KIRREL1: variants seen among roughly 807,000 people sequenced by gnomAD.
KIRREL1 encodes kin of IRRE-like protein 1.
In KIRREL1, 25 loss-of-function variants were observed where a neutral mutation model predicts 83.3. That is an observed-to-expected ratio of 0.30 (90% CI 0.22 to 0.42). The LOEUF (loss-of-function observed/expected upper bound fraction) is 0.42, where lower values mean the gene tolerates loss of function less well. Among genes scored for constraint, KIRREL1 ranks in the 10% least tolerant of loss-of-function variants. The pLI, the probability that KIRREL1 is intolerant of heterozygous loss-of-function variation, is 1.00. For missense variants in KIRREL1, 812 were observed against 1,032.3 expected (o/e 0.79, Z 2.92); for synonymous variants, 388 against 410.4 (o/e 0.95, Z 0.66).
chr1:158,084,423 C>A lies in KIRREL1; in HGVS notation c.354C>A (p.Ile118=), dbSNP rs1023696560. ...RSRRAKLTVL[I]PPEDTRIDGG... ...ACTTTGCTCTGCTTTCTCCCACAGTCCCCCCAGAGGACACCAGGATTGACG... is the reference window on the plus strand; with the variant it reads ...ACTTTGCTCTGCTTTCTCCCACAGTACCCCCAGAGGACACCAGGATTGACG... The change falls in exon 4 of 15, where the codon ATC becomes ATA. Residue 118 remains isoleucine, a splice_region_variant and synonymous_variant. Transcript: ENST00000359209. The A allele has an allele frequency of 9.4e-5, 146 of 1,548,888 alleles. No homozygotes were observed. Among genetic ancestry groups the A allele is most frequent in the Non-Finnish European group, 1.1e-4 (130 of 1,145,442 alleles).
chr1:158,075,867 T>C (rs1008204021), intron 1 of KIRREL1, among the ~76,000 whole-genome samples: 9 of 152,146 alleles, frequency 5.9e-5, no homozygotes, highest in Non-Finnish European at 1.3e-4. Flanking sequence ...AGTGCACTAT[T>C]TTCTGTGATT....
intron 1 of KIRREL1, among the ~76,000 whole-genome samples, chr1:158,059,397 C>G (rs1181572738): frequency 6.6e-6 from 1 of 152,182 alleles, no homozygotes; most frequent in Non-Finnish European, 1.5e-5. Flanking sequence ...CTCTGGGTGT[C>G]TGGGTTAGAG....
In KIRREL1 at chr1:157,998,388, A is replaced by G. The variant is rs982390243; in HGVS notation, c.52+4660A>G. 3.3e-5 allele frequency among the ~76,000 whole-genome samples: 5 copies of G among 152,222 alleles called. No individual in the cohort carries two copies. The East Asian group carries it at 7.7e-4, about 23-fold the overall frequency. On this transcript the variant is annotated intron_variant, in intron 1 of 14. Coordinates refer to ENST00000359209, the MANE Select transcript of KIRREL1 (RefSeq NM_018240.7). ...TAAACTCATTCAAATTTAAAAAACAATCCTTTATTCTGAGATTCTGTCCTA... is the reference window on the plus strand; with the variant it reads ...TAAACTCATTCAAATTTAAAAAACAGTCCTTTATTCTGAGATTCTGTCCTA...
chr1:158,043,323 C>G lies in KIRREL1; in HGVS notation c.53-32790C>G, dbSNP rs374415473. Among the ~76,000 whole-genome samples the G allele has an allele frequency of 3.3e-5, 5 of 152,284 alleles. No homozygotes were observed. The East Asian group carries it at 5.8e-4, about 18-fold the overall frequency. Reference sequence around the variant, plus strand: ...TGCCCCAGCCAGCACCTCATTCCCCCCTTATGGAAAGAGTGGCGTAAGAAT... The same window carrying G: ...TGCCCCAGCCAGCACCTCATTCCCCGCTTATGGAAAGAGTGGCGTAAGAAT... On this transcript the variant is annotated intron_variant, in intron 1 of 14. Transcript: ENST00000359209.
chr1:158,052,060 G>A (rs1660921804), intron 1 of KIRREL1, among the ~76,000 whole-genome samples: 1 of 152,156 alleles, frequency 6.6e-6, no homozygotes, highest in South Asian at 2.1e-4. Context: ...TACTGGCAGA[G>A]TGTTCTGCCT....
At chr1:158,042,214 T>G (rs1450203113) in intron 1 of KIRREL1, among the ~76,000 whole-genome samples, 7 of 22,482 alleles carry the variant, frequency 3.1e-4, no homozygotes, top group Non-Finnish European at 4.0e-4. Context: ...TTCTCCAGGG[T>G]GTGTGTGTGT....
At chr1:158,002,636 T>C (rs1273217567) in intron 1 of KIRREL1, among the ~76,000 whole-genome samples, 2 of 152,206 alleles carry the variant, frequency 1.3e-5, no homozygotes, top group East Asian at 1.9e-4. Context: ...CAGTATGGTG[T>C]GGGAGATGGA....
At chr1:158,076,892 A>G (rs1661695460) in intron 2 of KIRREL1, among the ~76,000 whole-genome samples, 1 of 152,262 alleles carries the variant, frequency 6.6e-6, no homozygotes, top group Non-Finnish European at 1.5e-5. Flanking sequence ...AGACCTTTGG[A>G]AAGGCTGCCT....
chr1:158,044,946 C>T (rs1008363797), intron 1 of KIRREL1, among the ~76,000 whole-genome samples: 6 of 152,124 alleles, frequency 3.9e-5, no homozygotes, highest in African/African-American at 1.4e-4. Context: ...AATCCGGAGT[C>T]TGGTGGGGCA....
intron 11 of KIRREL1, 75 bp downstream of exon 11, chr1:158,091,631 A>G: frequency 7.1e-7 from 1 of 1,407,612 alleles, no homozygotes; most frequent in Non-Finnish European, 1.0e-6. Context: ...CTCCAGGGGC[A>G]GGGCTCAGCT....
chr1:158,025,375 G>A (rs1461011270), intron 1 of KIRREL1, among the ~76,000 whole-genome samples: 4 of 152,074 alleles, frequency 2.6e-5, no homozygotes, highest in African/African-American at 9.7e-5. Context: ...AATAAGCAGA[G>A]CAGAGGCCAG....
chr1:158,088,756 T>C (rs1019834299), intron 8 of KIRREL1, among the ~76,000 whole-genome samples: 5 of 152,046 alleles, frequency 3.3e-5, no homozygotes, highest in African/African-American at 1.2e-4. Flanking sequence ...AGTGCTGGGA[T>C]TACAGGCGTG....
At chr1:158,070,168 C>A (rs759369949) in intron 1 of KIRREL1, among the ~76,000 whole-genome samples, 1 of 152,146 alleles carries the variant, frequency 6.6e-6, no homozygotes, top group Non-Finnish European at 1.5e-5. Flanking sequence ...GGAGTGTAAG[C>A]TGTAGGGCAG....
At position 158,076,314 on chromosome 1, in the gene KIRREL1, C is replaced by T. The variant is rs368832771; in HGVS notation, c.202+52C>T. On this transcript the variant is annotated intron_variant, in intron 2 of 14. Coordinates refer to ENST00000359209, the MANE Select transcript of KIRREL1 (RefSeq NM_018240.7). ...AACTGTCCCATCTTCTCCGCCATTCCCCACTTCCAGCATAGATTCCTGGAC... is the reference window on the plus strand; with the variant it reads ...AACTGTCCCATCTTCTCCGCCATTCTCCACTTCCAGCATAGATTCCTGGAC... 2.2e-3 allele frequency: 3,420 copies of T among 1,556,020 alleles called. 20 individuals are homozygous for T. The highest frequency in any genetic ancestry group is 0.011 in the Middle Eastern group (66 of 5,928).
At chr1:158,091,225 T>A in intron 10 of KIRREL1, 133 bp from the exon 11 acceptor site, 1 of 715,698 alleles carries the variant, frequency 1.4e-6, no homozygotes, top group Admixed American at 2.8e-5. Flanking sequence ...TACAGGGAGG[T>A]GTTAGGCTGG....
intron 1 of KIRREL1, among the ~76,000 whole-genome samples, chr1:158,068,250 G>A (rs912848928): frequency 5.9e-5 from 9 of 152,156 alleles, no homozygotes; most frequent in Non-Finnish European, 1.5e-5. Context: ...TTGTCTTTGG[G>A]GAATGCCGTT....
chr1:158,038,308 T>C (rs4246540), intron 1 of KIRREL1, among the ~76,000 whole-genome samples: 149,434 of 152,220 alleles, frequency 0.98, 73,407 homozygotes, highest in Middle Eastern at 1. Flanking sequence ...GTCACTGTAA[T>C]GAGGCTTTGC....
intron 1 of KIRREL1, among the ~76,000 whole-genome samples, chr1:158,069,344 G>GTGT (rs1558009729): frequency 5.1e-5 from 7 of 136,852 alleles, no homozygotes; most frequent in African/African-American, 1.9e-4. Context: ...GTGTGTGTGT[G>GTGT]AATCTAAGCA....
Position 158,075,529 on chromosome 1 carries a change from C to T in KIRREL1, c.53-584C>T, listed in dbSNP as rs568458054. ...TTTCCACCCAGGAAGCTTCTATACA[C>T]ACATGTGGACATGCTGGCTTTATAG... is the stretch of plus-strand genomic sequence containing the variant. On this transcript the variant is annotated intron_variant, in intron 1 of 14. Coordinates refer to ENST00000359209, the MANE Select transcript of KIRREL1 (RefSeq NM_018240.7). 6.6e-5 allele frequency among the ~76,000 whole-genome samples: 10 copies of T among 152,372 alleles called. No individual in the cohort carries two copies. The South Asian group carries it at 2.1e-3, about 32-fold the overall frequency.
Sources: gnomAD v4.1 joint callset for allele counts (sites outside exome capture counted in the v4.1 genomes callset) on GRCh38, gnomAD v4.1.1 for gene constraint, MANE v1.5 for transcripts, NCBI Gene and HGNC (gene_info 2026-07-23, HGNC 2026-07-21) for gene names.